Variants in TMEM39B observed in about 807,000 individuals in gnomAD.
TMEM39B encodes the protein transmembrane protein 39B.
A neutral mutation model predicts 52.2 loss-of-function variants in TMEM39B; 23 were observed. The ratio of observed to expected loss-of-function variants is 0.44; its 90% confidence interval spans 0.32 to 0.62. The LOEUF (loss-of-function observed/expected upper bound fraction) is 0.62. Ranked by LOEUF, TMEM39B falls within the 20% of genes least tolerant of loss-of-function variation. TMEM39B has a pLI of 0.06. For synonymous variants in TMEM39B, 285 were observed against 264.0 expected, an observed-to-expected ratio of 1.08 and a Z score of -0.77; for missense variants, 547 against 642.0, an observed-to-expected ratio of 0.85 and a Z score of 1.60.
intron 3 of TMEM39B, 27 bp downstream of exon 3, chr1:32,075,849 TGTGTGTGTGTGTGTGC>T: frequency 7.7e-7 from 1 of 1,300,044 alleles, no homozygotes; most frequent in South Asian, 1.4e-5. Flanking sequence ...GGTGTGTGTG[TGTGTGTGTGTGTGTGC>T]GTGTGTGTGT....
intron 6 of TMEM39B, among the ~76,000 whole-genome samples, chr1:32,093,481 G>A (rs1640689521): frequency 7.2e-6 from 1 of 139,858 alleles, no homozygotes; most frequent in African/African-American, 2.7e-5. Context: ...GCGCAATCTT[G>A]GCTCACTGCA....
At chr1:32,079,012 T>TA (rs1267623685) in intron 5 of TMEM39B, among the ~76,000 whole-genome samples, 1 of 152,066 alleles carries the variant, frequency 6.6e-6, no homozygotes, top group Non-Finnish European at 1.5e-5. Context: ...ACTTTTCACT[T>TA]AATCATATAA....
chr1:32,081,574 C>T (rs191983511), intron 5 of TMEM39B, among the ~76,000 whole-genome samples: 1 of 152,038 alleles, frequency 6.6e-6, no homozygotes, highest in Non-Finnish European at 1.5e-5. Flanking sequence ...ATGGTGAAAC[C>T]CTTTCTCTAC....
Position 32,090,673 on chromosome 1 carries a change from T to C in TMEM39B, c.591-1002T>C, listed in dbSNP as rs1640568111. ...TTTGTTTTTTGAGACGGAGTCTCGC[T>C]CTGTCGCCCAGGCTGGAGTGCAGTG... On this transcript the variant is annotated intron_variant, in intron 5 of 8. Coordinates refer to ENST00000336294, the MANE Select transcript of TMEM39B (RefSeq NM_018056.4). Among the ~76,000 whole-genome samples the C allele has an allele frequency of 2.0e-5, 3 of 152,240 alleles. No homozygotes were observed. In the South Asian group the frequency reaches 6.2e-4, roughly 32 times the overall value.
At chr1:32,078,290 C>G (rs987432697) in intron 5 of TMEM39B, among the ~76,000 whole-genome samples, 1 of 152,072 alleles carries the variant, frequency 6.6e-6, no homozygotes. Flanking sequence ...TTGAGACCAG[C>G]CTAGGCAACA....
intron 7 of TMEM39B, among the ~76,000 whole-genome samples, chr1:32,098,888 TG>T (rs1640913473): frequency 6.6e-6 from 1 of 152,012 alleles, no homozygotes; most frequent in Admixed American, 6.6e-5. Context: ...GGTATACAGA[TG>T]GGAAATAAAT....
Position 32,100,734 on chromosome 1 carries a change from A to G in TMEM39B, c.1236+172A>G, listed in dbSNP as rs150706886. The G allele has an allele frequency of 8.4e-4, 753 of 901,410 alleles. 2 individuals carry two copies. The highest frequency in any genetic ancestry group is 3.3e-3 in the Admixed American group (137 of 41,142). 55.8% of individuals were successfully genotyped at this position (901,410 alleles called of 1,614,324 possible). Reference sequence around the variant, plus strand: ...CAGCCATATAAATTGTCACTTAATAACTGCAGCTCGGCCGGGCATGGTGGC... The same window carrying G: ...CAGCCATATAAATTGTCACTTAATAGCTGCAGCTCGGCCGGGCATGGTGGC... On this transcript the variant is annotated intron_variant, in intron 8 of 8. Coordinates refer to ENST00000336294, the MANE Select transcript of TMEM39B (RefSeq NM_018056.4).
intron 7 of TMEM39B, among the ~76,000 whole-genome samples, chr1:32,096,881 T>A (rs1320428386): frequency 1.3e-5 from 2 of 151,870 alleles, no homozygotes; most frequent in Non-Finnish European, 2.9e-5. Flanking sequence ...CACAGCTCAT[T>A]ACAGCCACAA....
At chr1:32,080,530 G>T (rs1472955532) in intron 5 of TMEM39B, among the ~76,000 whole-genome samples, 1 of 151,874 alleles carries the variant, frequency 6.6e-6, no homozygotes, top group East Asian at 1.9e-4. Flanking sequence ...AGCCGGGCAT[G>T]GTGGATGGCA....
intron 5 of TMEM39B, among the ~76,000 whole-genome samples, chr1:32,078,282 G>A (rs1347148703): frequency 6.6e-6 from 1 of 152,108 alleles, no homozygotes; most frequent in Non-Finnish European, 1.5e-5. Flanking sequence ...CCAGGGGTTT[G>A]AGACCAGCCT....
At chr1:32,073,174 C>T in intron 1 of TMEM39B, 123 bp downstream of exon 1, 2 of 1,236,352 alleles carry the variant, frequency 1.6e-6, no homozygotes, top group Non-Finnish European at 2.1e-6. Context: ...GGGATGCGAG[C>T]GCAGACGGGA....
rs1395510266 is a variant in TMEM39B, at chr1:32,075,768, C to G, written c.297C>G (p.Ile99Met). The G allele has an allele frequency of 6.5e-6, 10 of 1,548,070 alleles. No individual in the cohort carries two copies. Among genetic ancestry groups the G allele is most frequent in the Non-Finnish European group, 7.9e-6 (9 of 1,144,066 alleles). ...CACTCTTCGTCCACTACATCAACAT[C>G]TACAAGACAGTGTGGTGGTATCCAC... ...LIALFVHYINIYKTVWWYPPS... is the reference protein window; with the variant it reads ...LIALFVHYINMYKTVWWYPPS... Residue 99 changes from isoleucine to methionine, a missense_variant, in exon 3 of 9, where the codon ATC (isoleucine) becomes ATG (methionine). Transcript: ENST00000336294.
intron 5 of TMEM39B, among the ~76,000 whole-genome samples, chr1:32,090,694 C>T (rs564938620): frequency 1.3e-5 from 2 of 152,142 alleles, no homozygotes; most frequent in South Asian, 4.2e-4. Context: ...GGCTGGAGTG[C>T]AGTGGCGCGA....
At chr1:32,095,043 C>A in intron 7 of TMEM39B, 72 bp downstream of exon 7, 1 of 1,520,334 alleles carries the variant, frequency 6.6e-7, no homozygotes, top group Non-Finnish European at 9.0e-7. Context: ...TGTCCACTCG[C>A]TGATTAACTT....
chr1:32,085,089 G>A (rs749307585), intron 5 of TMEM39B, among the ~76,000 whole-genome samples: 14 of 152,100 alleles, frequency 9.2e-5, no homozygotes, highest in Admixed American at 8.5e-4. Context: ...GTTGTGGGAC[G>A]TTTGTCATTC....
At position 32,077,159 on chromosome 1, in the gene TMEM39B, C is replaced by A. The variant is rs764359527; in HGVS notation, c.436-5C>A. The A allele has an allele frequency of 1.7e-5, 27 of 1,613,968 alleles. No homozygotes were observed. The highest frequency in any genetic ancestry group is 2.2e-5 in the Non-Finnish European group (26 of 1,179,990). Reference sequence around the variant, plus strand: ...CCCATCCCGTCCTATCTTGCCCCGACCCAGGCCTCTCAGAGGGGGAAGGTC... The same window carrying A: ...CCCATCCCGTCCTATCTTGCCCCGAACCAGGCCTCTCAGAGGGGGAAGGTC... On this transcript the variant is annotated splice_polypyrimidine_tract_variant and splice_region_variant and intron_variant, in intron 4 of 8. Coordinates refer to ENST00000336294, the MANE Select transcript of TMEM39B (RefSeq NM_018056.4).
intron 8 of TMEM39B, among the ~76,000 whole-genome samples, chr1:32,101,974 T>C (rs904210207): frequency 2.8e-4 from 43 of 152,120 alleles, no homozygotes; most frequent in Non-Finnish European, 5.7e-4. Context: ...CTGTAATAAC[T>C]TTCCATGCCT....
chr1:32,073,192 C>A, intron 1 of TMEM39B, 141 bp downstream of exon 1: 1 of 1,149,682 alleles, frequency 8.7e-7, no homozygotes, highest in Non-Finnish European at 1.2e-6. Flanking sequence ...GGATCCCGCC[C>A]CCTCCTGTCG....
chr1:32,073,248 T>C, intron 1 of TMEM39B, 197 bp downstream of exon 1: 2 of 399,900 alleles, frequency 5.0e-6, no homozygotes, highest in Non-Finnish European at 7.2e-6. Flanking sequence ...CATTGGACGG[T>C]GGGCGGGGCT....
Sources: allele counts gnomAD v4.1 joint callset (sites outside exome capture counted in the v4.1 genomes callset), GRCh38; gene constraint gnomAD v4.1.1; transcripts MANE v1.5; gene names NCBI Gene and HGNC (gene_info 2026-07-23, HGNC 2026-07-21).